CDH13: variants seen among roughly 807,000 people sequenced by gnomAD.
CDH13 encodes cadherin-13.
CDH13 carries 24 observed loss-of-function variants against 63.8 expected under a neutral mutation model. That is an observed-to-expected ratio of 0.38 (90% CI 0.27 to 0.53). CDH13 has a LOEUF of 0.53. Among genes scored for constraint, CDH13 ranks in the 20% least tolerant of loss-of-function variants. The probability of loss-of-function intolerance (pLI) is 0.85; values close to 1 mark genes in which losing one functional copy is unlikely to be tolerated. For missense variants in CDH13, 1,049 were observed against 903.1 expected (o/e 1.16, Z -2.07); for synonymous variants, 503 against 355.3 (o/e 1.42, Z -4.67).
chr16:82,796,530 A>C (rs536496247), intron 1 of CDH13, among the ~76,000 whole-genome samples: 14 of 152,352 alleles, frequency 9.2e-5, no homozygotes, highest in African/African-American at 3.1e-4. Flanking sequence ...TAAAGGGCAC[A>C]GTTTTTCTGT....
At chr16:83,175,932 G>A (rs1472116009) in intron 4 of CDH13, among the ~76,000 whole-genome samples, 4 of 146,948 alleles carry the variant, frequency 2.7e-5, no homozygotes, top group African/African-American at 7.6e-5. Flanking sequence ...AGGTTCAAGC[G>A]ATTCTCCTGC....
intron 6 of CDH13, among the ~76,000 whole-genome samples, chr16:83,451,693 T>G (rs2072891214): frequency 6.6e-6 from 1 of 152,194 alleles, no homozygotes. Flanking sequence ...AATTTTTTAC[T>G]TTTTTGTAGA....
At chr16:83,332,767 A>G (rs1370298219) in intron 5 of CDH13, among the ~76,000 whole-genome samples, 1 of 152,204 alleles carries the variant, frequency 6.6e-6, no homozygotes, top group African/African-American at 2.4e-5. Context: ...AGCTGCTTAC[A>G]TAAAATTATT....
In CDH13 at chr16:82,866,377, C is replaced by CTTTTTTTTTTTTTTTTTT. The variant is rs538206338; in HGVS notation, c.157+7916_157+7933dup. Among the ~76,000 whole-genome samples the CTTTTTTTTTTTTTTTTTT allele has an allele frequency of 3.1e-4, 18 of 58,298 alleles. 3 individuals carry two copies. Among genetic ancestry groups the CTTTTTTTTTTTTTTTTTT allele is most frequent in the African/African-American group, 6.1e-4 (7 of 11,530 alleles). 38.2% of individuals were successfully genotyped at this position (58,298 alleles called of 152,430 possible). On this transcript the variant is annotated intron_variant, in intron 2 of 13. Transcript: ENST00000567109. The stretch of plus-strand genomic sequence containing the variant: ...TCTGTTTTCTTTTCTTTTTCTTCTT[C>CTTTTTTTTTTTTTTTTTT]TTTTTTTTTTTTTTTTTTTTTTTTT...
intron 5 of CDH13, among the ~76,000 whole-genome samples, chr16:83,289,732 T>C (rs139307437): frequency 0.011 from 1,668 of 152,322 alleles, 30 homozygotes; most frequent in African/African-American, 0.038. Flanking sequence ...TCTTGGTGTC[T>C]CAGTTTTCTC....
At chr16:83,118,558 C>G (rs1236806744) in intron 3 of CDH13, among the ~76,000 whole-genome samples, 1 of 152,224 alleles carries the variant, frequency 6.6e-6, no homozygotes, top group Non-Finnish European at 1.5e-5. Flanking sequence ...AGCCGAATTA[C>G]TCACTCCTGA....
intron 6 of CDH13, among the ~76,000 whole-genome samples, chr16:83,447,217 C>T (rs1008264485): frequency 4.1e-5 from 6 of 145,468 alleles, no homozygotes; most frequent in South Asian, 2.2e-4. Flanking sequence ...GAGTTCGAGA[C>T]CAGCCTAGTC....
In CDH13 at chr16:83,695,123, C is replaced by G. The variant is rs562801516; in HGVS notation, c.1538+16662C>G. ...TCAGGAGGCTAAGGCAGGAGAATCG[C>G]TTGAATCCGGGAGGTGGAGATTGCA... On this transcript the variant is annotated intron_variant, in intron 10 of 13. Transcript: ENST00000567109. Among the ~76,000 whole-genome samples, 10 of 152,272 alleles carry G rather than the reference C, an allele frequency of 6.6e-5. No homozygotes were observed. The East Asian group carries it at 1.7e-3, about 26-fold the overall frequency.
At chr16:83,124,737 A>G (rs1057212721) in intron 3 of CDH13, among the ~76,000 whole-genome samples, 1 of 152,050 alleles carries the variant, frequency 6.6e-6, no homozygotes, top group African/African-American at 2.4e-5. Flanking sequence ...TGATTATCCA[A>G]TTTTCCATAT....
At chr16:83,391,537 T>A (rs1243948928) in intron 6 of CDH13, among the ~76,000 whole-genome samples, 2 of 152,152 alleles carry the variant, frequency 1.3e-5, no homozygotes, top group Non-Finnish European at 1.5e-5. Flanking sequence ...TAAGCCCCAA[T>A]TATACTATAA....
At chr16:83,015,359 G>C (rs531441993) in intron 2 of CDH13, among the ~76,000 whole-genome samples, 43 of 151,570 alleles carry the variant, frequency 2.8e-4, no homozygotes, top group African/African-American at 1.0e-3. Flanking sequence ...TCAATAGAAT[G>C]ACCAAATCTC....
chr16:83,325,446 C>A (rs914996464), intron 5 of CDH13, among the ~76,000 whole-genome samples: 1 of 152,096 alleles, frequency 6.6e-6, no homozygotes, highest in African/African-American at 2.4e-5. Context: ...GGTTGGAAAA[C>A]GTTTTCTGTA....
At chr16:83,548,279 CT>C (rs1263566903) in intron 7 of CDH13, among the ~76,000 whole-genome samples, 1 of 152,124 alleles carries the variant, frequency 6.6e-6, no homozygotes, top group Non-Finnish European at 1.5e-5. Flanking sequence ...ACAGTTGTGT[CT>C]TCCAAGGAAC....
intron 6 of CDH13, among the ~76,000 whole-genome samples, chr16:83,358,005 A>G (rs1282824724): frequency 6.6e-6 from 1 of 152,192 alleles, no homozygotes; most frequent in Non-Finnish European, 1.5e-5. Flanking sequence ...TGCTATGATC[A>G]TCTCTATGTC....
chr16:82,957,224 G>C (rs1426438900), intron 2 of CDH13, among the ~76,000 whole-genome samples: 3 of 152,282 alleles, frequency 2.0e-5, no homozygotes, highest in Non-Finnish European at 1.5e-5. Flanking sequence ...TTGGCGAGCT[G>C]TTGACCATAT....
chr16:83,764,715 C>T (rs972922779), intron 11 of CDH13, among the ~76,000 whole-genome samples: 1 of 142,242 alleles, frequency 7.0e-6, no homozygotes, highest in Admixed American at 7.3e-5. Context: ...GAAGTCAGCC[C>T]TTTACTCTTG....
intron 4 of CDH13, among the ~76,000 whole-genome samples, chr16:83,203,609 C>T (rs1260203196): frequency 1.3e-5 from 2 of 148,176 alleles, no homozygotes; most frequent in African/African-American, 2.5e-5. Context: ...ATGGTGTGAA[C>T]CCGGGAGGCG....
At chr16:82,696,951 A>G (rs1035150106) in intron 1 of CDH13, among the ~76,000 whole-genome samples, 3 of 152,312 alleles carry the variant, frequency 2.0e-5, no homozygotes, top group East Asian at 1.9e-4. Context: ...CCTTACCACA[A>G]TAGGCTCTGC....
chr16:82,834,977 C>A (rs1274344634), intron 1 of CDH13, among the ~76,000 whole-genome samples: 1 of 152,122 alleles, frequency 6.6e-6, no homozygotes, highest in African/African-American at 2.4e-5. Flanking sequence ...TTTGCTCAGG[C>A]CTGCTCTGGA....
Sources: allele counts gnomAD v4.1 joint callset (sites outside exome capture counted in the v4.1 genomes callset), GRCh38; gene constraint gnomAD v4.1.1; transcripts MANE v1.5; gene names NCBI Gene and HGNC (gene_info 2026-07-23, HGNC 2026-07-21).